The following GSK3B variants were observed in gnomAD, a reference collection of about 807,000 sequenced individuals.
GSK3B encodes the protein glycogen synthase kinase 3 beta, also known as glycogen synthase kinase-3 beta.
In GSK3B, 15 loss-of-function variants were observed where a neutral mutation model predicts 56.4. The observed-to-expected ratio is 0.27, with a 90% CI of 0.18 to 0.41. The LOEUF is 0.41. Ranked by LOEUF, GSK3B falls within the 10% of genes least tolerant of loss-of-function variation. GSK3B has a pLI of 1.00. For missense variants in GSK3B, 300 were observed against 513.4 expected, an observed-to-expected ratio of 0.58 and a Z score of 4.02; for synonymous variants, 181 against 188.9, an observed-to-expected ratio of 0.96 and a Z score of 0.34.
At chr3:119,969,433 C>A (rs1001752530) in intron 2 of GSK3B, among the ~76,000 whole-genome samples, 1 of 152,200 alleles carries the variant, frequency 6.6e-6, no homozygotes, top group Non-Finnish European at 1.5e-5. Flanking sequence ...CCAACTTGAT[C>A]TGCAAATTCA....
intron 1 of GSK3B, among the ~76,000 whole-genome samples, chr3:120,036,896 GAATC>G (rs1285431493): frequency 6.7e-6 from 1 of 150,240 alleles, no homozygotes; most frequent in African/African-American, 2.5e-5. Flanking sequence ...AAAAGTTTTA[GAATC>G]AATGTCAGAC....
chr3:120,021,508 T>C (rs2057877788), intron 1 of GSK3B, among the ~76,000 whole-genome samples: 1 of 149,304 alleles, frequency 6.7e-6, no homozygotes, highest in South Asian at 2.1e-4. Context: ...AGAGTGAGAC[T>C]CCATCTCCAA....
At chr3:119,990,132 A>T (rs2057550586) in intron 2 of GSK3B, among the ~76,000 whole-genome samples, 1 of 151,532 alleles carries the variant, frequency 6.6e-6, no homozygotes, top group African/African-American at 2.4e-5. Flanking sequence ...AACATTCCAA[A>T]CTCCTCCCTG....
chr3:119,831,116 T>C (rs762868371), intron 10 of GSK3B, among the ~76,000 whole-genome samples: 1 of 151,996 alleles, frequency 6.6e-6, no homozygotes, highest in South Asian at 2.1e-4. Context: ...GTTTTGCAAA[T>C]AGGAGAAAGG....
chr3:120,059,396 G>T (rs932542666), intron 1 of GSK3B, among the ~76,000 whole-genome samples: 2 of 152,074 alleles, frequency 1.3e-5, no homozygotes, highest in African/African-American at 4.8e-5. Context: ...GGAAGCCTTG[G>T]AACACCTAAC....
intron 4 of GSK3B, among the ~76,000 whole-genome samples, chr3:119,918,689 T>C: frequency 6.6e-6 from 1 of 152,212 alleles, no homozygotes; most frequent in East Asian, 1.9e-4. Context: ...ACATTATCCC[T>C]GTTTTTACAG....
At chr3:119,886,105 C>G (rs1576174402) in intron 7 of GSK3B, among the ~76,000 whole-genome samples, 1 of 152,076 alleles carries the variant, frequency 6.6e-6, no homozygotes, top group East Asian at 1.9e-4. Context: ...AAACAGACAA[C>G]TTACAGAATT....
chr3:119,951,621 T>C (rs7639665), intron 2 of GSK3B, among the ~76,000 whole-genome samples: 2,778 of 151,992 alleles, frequency 0.018, 91 homozygotes, highest in African/African-American at 0.063. Context: ...ATATGTTCAA[T>C]TGGAAAAAAA....
At chr3:119,874,482 G>A (rs2056285970) in intron 8 of GSK3B, among the ~76,000 whole-genome samples, 1 of 151,934 alleles carries the variant, frequency 6.6e-6, no homozygotes, top group Non-Finnish European at 1.5e-5. Flanking sequence ...GACAGAGGCT[G>A]ACCAAATGTA....
At chr3:119,944,226 T>C (rs963579660) in intron 3 of GSK3B, among the ~76,000 whole-genome samples, 1 of 152,188 alleles carries the variant, frequency 6.6e-6, no homozygotes, top group African/African-American at 2.4e-5. Context: ...TTCTTATCAC[T>C]GATCTCCCTC....
chr3:119,928,943 G>T (rs1054869249), intron 3 of GSK3B, among the ~76,000 whole-genome samples: 1 of 151,994 alleles, frequency 6.6e-6, no homozygotes, highest in African/African-American at 2.4e-5. Context: ...ACACAATAAA[G>T]ACTCGAGTTT....
chr3:120,023,495 T>A (rs991600433), intron 1 of GSK3B, among the ~76,000 whole-genome samples: 1 of 152,246 alleles, frequency 6.6e-6, no homozygotes, highest in Non-Finnish European at 1.5e-5. Flanking sequence ...AAGGTTTTAA[T>A]ACTTAATATG....
intron 7 of GSK3B, among the ~76,000 whole-genome samples, chr3:119,888,116 G>A (rs2056460567): frequency 6.6e-6 from 1 of 151,334 alleles, no homozygotes; most frequent in Non-Finnish European, 1.5e-5. Context: ...CTTCTGAAAT[G>A]GGCATTCTGA....
chr3:120,033,456 A>G (rs746223291), intron 1 of GSK3B, among the ~76,000 whole-genome samples: 13 of 152,156 alleles, frequency 8.5e-5, no homozygotes, highest in Non-Finnish European at 1.3e-4. Context: ...GAGGGTTCCA[A>G]TTTCTCCATA....
At chr3:119,923,154 T>C (rs1375626175) in intron 4 of GSK3B, among the ~76,000 whole-genome samples, 1 of 152,190 alleles carries the variant, frequency 6.6e-6, no homozygotes, top group Non-Finnish European at 1.5e-5. Context: ...TCACTGTAAT[T>C]TACCAGAATA....
intron 1 of GSK3B, among the ~76,000 whole-genome samples, chr3:120,046,413 T>C (rs895721577): frequency 3.3e-5 from 5 of 151,948 alleles, no homozygotes; most frequent in African/African-American, 1.2e-4. Context: ...TGGGGAAATA[T>C]GGGTGGGGGT....
intron 9 of GSK3B, among the ~76,000 whole-genome samples, chr3:119,850,082 CTG>C (rs1246162642): frequency 2.0e-5 from 3 of 151,514 alleles, no homozygotes; most frequent in African/African-American, 7.3e-5. Flanking sequence ...TGTAAAAAGA[CTG>C]TCATTTTGGC....
At chr3:120,078,243 C>CA (rs1230532143) in intron 1 of GSK3B, among the ~76,000 whole-genome samples, 1 of 151,840 alleles carries the variant, frequency 6.6e-6, no homozygotes, top group Non-Finnish European at 1.5e-5. Context: ...GAAATTAACA[C>CA]AAAAAAAGAT....
intron 2 of GSK3B, among the ~76,000 whole-genome samples, chr3:119,997,627 G>A (rs1283158372): frequency 6.6e-6 from 1 of 152,088 alleles, no homozygotes; most frequent in Non-Finnish European, 1.5e-5. Context: ...GGTTGCAGGA[G>A]AAACATCACA....
Sources: gnomAD v4.1 joint callset for allele counts (sites outside exome capture counted in the v4.1 genomes callset) on GRCh38, gnomAD v4.1.1 for gene constraint, MANE v1.5 for transcripts, NCBI Gene and HGNC (gene_info 2026-07-23, HGNC 2026-07-21) for gene names.